Variants in RBBP7 observed in about 807,000 individuals in gnomAD.
The protein encoded by RBBP7 is histone-binding protein RBBP7.
RBBP7 carries 5 observed loss-of-function variants against 35.2 expected under a neutral mutation model. The observed-to-expected ratio is 0.14, with a 90% CI of 0.07 to 0.30. The LOEUF is 0.30. Ranked by LOEUF, RBBP7 falls within the 10% of genes least tolerant of loss-of-function variation. The probability of loss-of-function intolerance (pLI) is 1.00; values close to 1 mark genes in which losing one functional copy is unlikely to be tolerated. For missense variants in RBBP7, 155 were observed against 327.5 expected, an observed-to-expected ratio of 0.47 and a Z score of 4.07; for synonymous variants, 140 against 118.7, an observed-to-expected ratio of 1.18 and a Z score of -1.17.
chrX:16,862,095 G>C (rs975138366), intron 3 of RBBP7, among the ~76,000 whole-genome samples: 1 of 111,481 alleles, frequency 9.0e-6, no homozygotes, highest in African/African-American at 3.3e-5. Flanking sequence ...TCCCTGAGCA[G>C]AGATATTTCA....
chrX:16,857,811 C>A, intron 4 of RBBP7, 102 bp from the exon 5 acceptor site: 5 of 1,066,682 alleles, frequency 4.7e-6, no homozygotes, highest in Non-Finnish European at 6.2e-6. Flanking sequence ...CAACTGCACA[C>A]GAACGAGATC....
At chrX:16,861,244 T>C (rs952043266) in intron 3 of RBBP7, among the ~76,000 whole-genome samples, 1 of 112,520 alleles carries the variant, frequency 8.9e-6, no homozygotes, top group African/African-American at 3.2e-5. Flanking sequence ...TGTCGGGGAA[T>C]GAACAGTAAA....
rs1569063938 is a variant in RBBP7 at position 16,866,570 on chromosome X, GC to G, written c.161+2505del. 3.1e-4 allele frequency among the ~76,000 whole-genome samples: 22 copies of G among 70,388 alleles called. 1 individual carries two copies. Among genetic ancestry groups the G allele is most frequent in the African/African-American group, 6.7e-4 (14 of 20,814 alleles). 61.1% of individuals were successfully genotyped at this position (70,388 alleles called of 115,157 possible). ...AAAAAAAAAAAAAGAAAGAAAGAAAGCAAGAAAGCAAGAAAGCAAGCCAGCC... is the reference window on the plus strand; with the variant it reads ...AAAAAAAAAAAAAGAAAGAAAGAAAGAAGAAAGCAAGAAAGCAAGCCAGCC... On this transcript the variant is annotated intron_variant, in intron 2 of 11. Transcript: ENST00000380087.
At chrX:16,855,426 C>T (rs1930325957) in intron 5 of RBBP7, among the ~76,000 whole-genome samples, 1 of 111,718 alleles carries the variant, frequency 9.0e-6, no homozygotes, top group Non-Finnish European at 1.9e-5. Context: ...TTTTTTTACA[C>T]AATACATATG....
chrX:16,849,216 A>C, intron 10 of RBBP7, 28 bp downstream of exon 10: 1 of 1,190,141 alleles, frequency 8.4e-7, no homozygotes, highest in South Asian at 1.8e-5. Context: ...TGCATATGAC[A>C]TTTCATCTTC....
In RBBP7 at chrX:16,850,412, A is replaced by G. The variant is rs1384202050; in HGVS notation, c.1041-1111T>C. On this transcript the variant is annotated intron_variant, in intron 9 of 11. Transcript: ENST00000380087. ...AAGAAATTACACACAATGCTCACAA[A>G]TTATTGGCACCTTCAGGGGCAATTC... 3.5e-5 allele frequency among the ~76,000 whole-genome samples: 4 copies of G among 112,918 alleles called. No homozygotes were observed. In the East Asian group the frequency reaches 1.1e-3, roughly 31 times the overall value.
chrX:16,852,673 A>G (rs774309971), intron 7 of RBBP7, 45 bp from the exon 8 acceptor site: 1 of 1,207,639 alleles, frequency 8.3e-7, no homozygotes, highest in South Asian at 1.8e-5. Flanking sequence ...GCTTTACCTA[A>G]GAATTTTCAA....
chrX:16,858,672 A>C lies in RBBP7; in HGVS notation c.481+4T>G. On this transcript the variant is annotated splice_donor_region_variant and intron_variant, in intron 4 of 11. Transcript: ENST00000380087. ...AGTAATGACCTAACTCTATTATTAC[A>C]TACCTGGTTTAGCAGGGTGTTTTGT... The C allele has an allele frequency of 8.3e-7, 1 of 1,209,400 alleles. No individual in the cohort carries two copies. Among genetic ancestry groups the C allele is most frequent in the Non-Finnish European group, 1.1e-6 (1 of 893,952 alleles).
chrX:16,859,779 G>A (rs1240623839), intron 3 of RBBP7, among the ~76,000 whole-genome samples: 1 of 111,571 alleles, frequency 9.0e-6, no homozygotes, highest in African/African-American at 3.3e-5. Flanking sequence ...ACTGGAGCCA[G>A]ACAGGTAAGA....
At chrX:16,869,562 A>C (rs1441741001) in intron 1 of RBBP7, 1 of 1,166,811 alleles carries the variant, frequency 8.6e-7, no homozygotes, top group Admixed American at 2.6e-5. Flanking sequence ...ATGCACGTGT[A>C]GCAGAAGCCC....
chrX:16,846,220 A>C, intron 10 of RBBP7: 1 of 200,118 alleles, frequency 5.0e-6, no homozygotes, highest in Admixed American at 7.3e-5. Context: ...AGCCTATACA[A>C]TGAAATGGCT....
At chrX:16,852,475 G>A (rs774322565) in intron 8 of RBBP7, 76 bp downstream of exon 8, 4 of 1,060,991 alleles carry the variant, frequency 3.8e-6, no homozygotes, top group African/African-American at 3.7e-5. Context: ...GTGGACCCAC[G>A]AGTCTGGTAT....
At position 16,844,398 on chromosome X, in the gene RBBP7, T is replaced by C. The variant is rs181875876; in HGVS notation, c.*637A>G. 2.7e-5 allele frequency: 3 copies of C among 112,510 alleles called. No homozygotes were observed. Among genetic ancestry groups the C allele is most frequent in the East Asian group, 2.8e-4 (1 of 3,590 alleles). 9.3% of individuals were successfully genotyped at this position (112,510 alleles called of 1,213,427 possible). A position where few individuals can be genotyped will look rare whatever the true frequency, so the allele number is the denominator to read the frequency against. Reference sequence around the variant, plus strand: ...CCCACGTCTTTCATGAGGATACGAATTGTTAAGAGGCAGTCTCGTTTTGCT... The same window carrying C: ...CCCACGTCTTTCATGAGGATACGAACTGTTAAGAGGCAGTCTCGTTTTGCT... On this transcript the variant is annotated 3_prime_UTR_variant, in exon 12 of 12. Coordinates refer to ENST00000380087, the MANE Select transcript of RBBP7 (RefSeq NM_002893.4).
intron 3 of RBBP7, among the ~76,000 whole-genome samples, chrX:16,861,135 C>T (rs1460252686): frequency 8.9e-6 from 1 of 112,127 alleles, no homozygotes; most frequent in Admixed American, 9.5e-5. Flanking sequence ...GATTGCACCA[C>T]TGCACTCCAG....
chrX:16,862,537 TA>T lies in RBBP7; in HGVS notation c.307+417del, dbSNP rs779048676. ...ACCAGTGCCTACAGATTTTTCTCAT[TA>T]AAAAAAAAAATTTTTTTTTTAAATT... On this transcript the variant is annotated intron_variant, in intron 3 of 11. Coordinates refer to ENST00000380087, the MANE Select transcript of RBBP7 (RefSeq NM_002893.4). 1.4e-4 allele frequency among the ~76,000 whole-genome samples: 15 copies of T among 107,211 alleles called. No individual in the cohort carries two copies. In the South Asian group the frequency reaches 1.6e-3, roughly 11 times the overall value. The allele number at this position is 107,211 out of a possible 115,157, so 93.1% of individuals were successfully genotyped here.
rs1286485126 is a variant in RBBP7, at chrX:16,853,648, A to G, written c.758+34T>C. 1.2e-5 allele frequency: 13 copies of G among 1,077,594 alleles called. No individual in the cohort carries two copies. In the East Asian group the frequency reaches 2.1e-4, roughly 17 times the overall value. 88.8% of individuals were successfully genotyped at this position (1,077,594 alleles called of 1,213,427 possible). ...TCACTGATGGTCATTCAGGTCACCC[A>G]TTTAACAAGATCCCACTGAATTTTC... On this transcript the variant is annotated intron_variant, in intron 6 of 11. Coordinates refer to ENST00000380087, the MANE Select transcript of RBBP7 (RefSeq NM_002893.4).
chrX:16,861,689 T>A (rs1288604056), intron 3 of RBBP7, among the ~76,000 whole-genome samples: 2 of 111,482 alleles, frequency 1.8e-5, no homozygotes, highest in Non-Finnish European at 3.8e-5. Flanking sequence ...AGGCACATAT[T>A]AGAAAGTGCT....
At chrX:16,869,771 G>A (rs1392951768) in intron 1 of RBBP7, 3 of 949,972 alleles carry the variant, frequency 3.2e-6, no homozygotes. Context: ...CGGGGCCGAG[G>A]GCGCCGGAGG....
chrX:16,847,987 T>C (rs1476065164), intron 10 of RBBP7: 1 of 111,935 alleles, frequency 8.9e-6, no homozygotes, highest in African/African-American at 3.3e-5. Flanking sequence ...GTAATACGCT[T>C]TCCTTTCTCC....
Sources: allele counts gnomAD v4.1 joint callset (sites outside exome capture counted in the v4.1 genomes callset), GRCh38; gene constraint gnomAD v4.1.1; transcripts MANE v1.5; gene names NCBI Gene and HGNC (gene_info 2026-07-23, HGNC 2026-07-21).